Variants in TTC28 observed in about 807,000 individuals in gnomAD.
TTC28 encodes the protein tetratricopeptide repeat protein 28.
TTC28 carries 61 observed loss-of-function variants against 198.0 expected under a neutral mutation model. The observed-to-expected ratio is 0.31, with a 90% CI of 0.25 to 0.38. The LOEUF is 0.38. Among genes scored for constraint, TTC28 ranks in the 10% least tolerant of loss-of-function variants. The pLI, the probability that TTC28 is intolerant of heterozygous loss-of-function variation, is 1.00. For synonymous variants in TTC28, 1,171 were observed against 1,297.8 expected (o/e 0.90, Z 2.10); for missense variants, 2,678 against 3,164.0 (o/e 0.85, Z 3.69).
chr22:28,633,330 A>G (rs2051211658), intron 1 of TTC28, among the ~76,000 whole-genome samples: 1 of 151,548 alleles, frequency 6.6e-6, no homozygotes, highest in Non-Finnish European at 1.5e-5. Context: ...TTTTTTTTTC[A>G]AAAAGAATTG....
At position 28,162,690 on chromosome 22, in the gene TTC28, C is replaced by T. The variant is rs534684466; in HGVS notation, c.1441+402G>A. Among the ~76,000 whole-genome samples the T allele has an allele frequency of 1.2e-4, 19 of 152,270 alleles. No individual in the cohort carries two copies. In the East Asian group the frequency reaches 1.9e-3, roughly 15 times the overall value. ...AGAGGCCAGGTACGGTGGCTTATGCCATAATTGTAGCACTTTGGAAAGCCG... is the reference window on the plus strand; with the variant it reads ...AGAGGCCAGGTACGGTGGCTTATGCTATAATTGTAGCACTTTGGAAAGCCG... On this transcript the variant is annotated intron_variant, in intron 6 of 22. Transcript: ENST00000397906.
chr22:28,557,262 C>T (rs1215518445), intron 2 of TTC28, among the ~76,000 whole-genome samples: 1 of 152,192 alleles, frequency 6.6e-6, no homozygotes, highest in Non-Finnish European at 1.5e-5. Flanking sequence ...GTCTCTCCTG[C>T]ATTTTCTTGT....
At chr22:28,290,932 G>GA (rs2044776112) in intron 5 of TTC28, among the ~76,000 whole-genome samples, 2 of 151,474 alleles carry the variant, frequency 1.3e-5, no homozygotes, top group South Asian at 4.2e-4. Context: ...CACACACAAT[G>GA]AAAAAATATC....
chr22:28,021,620 G>C (rs377587759), intron 13 of TTC28, among the ~76,000 whole-genome samples: 1 of 152,306 alleles, frequency 6.6e-6, no homozygotes, highest in East Asian at 1.9e-4. Context: ...AGCAAGGCCC[G>C]ATAGCAGCTG....
chr22:28,569,195 T>TAAATAAATAAAA (rs1344522966), intron 2 of TTC28, among the ~76,000 whole-genome samples: 14 of 138,078 alleles, frequency 1.0e-4, no homozygotes, highest in Admixed American at 2.9e-4. Flanking sequence ...AATAAATAAA[T>TAAATAAATAAAA]AAAATTCACA....
intron 2 of TTC28, among the ~76,000 whole-genome samples, chr22:28,399,501 G>T (rs563863274): frequency 2.0e-5 from 3 of 151,540 alleles, no homozygotes; most frequent in East Asian, 3.9e-4. Context: ...TTTTTCAGTA[G>T]AAACGAGGTG....
At chr22:28,207,772 G>A (rs1191022990) in intron 5 of TTC28, among the ~76,000 whole-genome samples, 1 of 152,098 alleles carries the variant, frequency 6.6e-6, no homozygotes, top group Non-Finnish European at 1.5e-5. Flanking sequence ...TGCTCACACT[G>A]ATCCTGGTAG....
At chr22:28,511,491 A>T (rs761031097) in intron 2 of TTC28, among the ~76,000 whole-genome samples, 1 of 152,154 alleles carries the variant, frequency 6.6e-6, no homozygotes, top group Non-Finnish European at 1.5e-5. Flanking sequence ...TCCTTACACC[A>T]TATACAAAAA....
intron 2 of TTC28, among the ~76,000 whole-genome samples, chr22:28,561,509 T>C (rs2049880154): frequency 6.6e-6 from 1 of 152,238 alleles, no homozygotes; most frequent in South Asian, 2.1e-4. Flanking sequence ...GACTCTGTCA[T>C]GATCACTTCT....
At chr22:28,326,582 C>G (rs951923912) in intron 2 of TTC28, among the ~76,000 whole-genome samples, 6 of 152,042 alleles carry the variant, frequency 3.9e-5, no homozygotes, top group African/African-American at 1.2e-4. Flanking sequence ...CTAAATGAGT[C>G]AGTTAAGATG....
chr22:28,273,320 A>G (rs948600934), intron 5 of TTC28, among the ~76,000 whole-genome samples: 1 of 152,206 alleles, frequency 6.6e-6, no homozygotes, highest in African/African-American at 2.4e-5. Context: ...GAAAATATAA[A>G]TGAACCCACA....
intron 5 of TTC28, among the ~76,000 whole-genome samples, chr22:28,238,664 TA>T (rs1929432792): frequency 6.6e-6 from 1 of 152,162 alleles, no homozygotes; most frequent in Non-Finnish European, 1.5e-5. Flanking sequence ...GGGTCTCTAT[TA>T]AATGTCCTGG....
At chr22:28,021,186 G>A (rs1270351046) in intron 13 of TTC28, among the ~76,000 whole-genome samples, 1 of 152,206 alleles carries the variant, frequency 6.6e-6, no homozygotes, top group Non-Finnish European at 1.5e-5. Flanking sequence ...TGACCAGGAT[G>A]GTGGGGGCCC....
chr22:28,487,003 A>C (rs1046565722), intron 2 of TTC28, among the ~76,000 whole-genome samples: 6 of 152,206 alleles, frequency 3.9e-5, no homozygotes, highest in Non-Finnish European at 8.8e-5. Context: ...TTCTGATGCC[A>C]AATGATCCTC....
At chr22:28,129,105 A>G (rs963336944) in intron 6 of TTC28, among the ~76,000 whole-genome samples, 2 of 152,162 alleles carry the variant, frequency 1.3e-5, no homozygotes, top group Non-Finnish European at 2.9e-5. Flanking sequence ...AAGTACCCAA[A>G]TGCTTTAGGT....
chr22:28,103,531 G>A (rs1471141849), intron 8 of TTC28, among the ~76,000 whole-genome samples: 1 of 152,172 alleles, frequency 6.6e-6, no homozygotes, highest in African/African-American at 2.4e-5. Context: ...AGAGGCTGCA[G>A]ACCTAACTCA....
At chr22:28,552,832 G>T (rs1382522735) in intron 2 of TTC28, among the ~76,000 whole-genome samples, 1 of 141,142 alleles carries the variant, frequency 7.1e-6, no homozygotes, top group South Asian at 2.4e-4. Flanking sequence ...TCCCTCTGAT[G>T]CCGAGCCAAA....
chr22:28,563,020 G>C (rs1226841851), intron 2 of TTC28, among the ~76,000 whole-genome samples: 2 of 152,214 alleles, frequency 1.3e-5, no homozygotes, highest in Admixed American at 1.3e-4. Flanking sequence ...CTACTTAGGA[G>C]GGTGAGGCAG....
At chr22:28,096,105 A>T (rs1941963175) in intron 11 of TTC28, 85 bp downstream of exon 11, 7 of 1,443,736 alleles carry the variant, frequency 4.8e-6, no homozygotes, top group Non-Finnish European at 1.8e-6. Flanking sequence ...ATGATCTATG[A>T]TAATGCACCT....
Sources: allele counts gnomAD v4.1 joint callset (sites outside exome capture counted in the v4.1 genomes callset), GRCh38; gene constraint gnomAD v4.1.1; transcripts MANE v1.5; gene names NCBI Gene and HGNC (gene_info 2026-07-23, HGNC 2026-07-21).